Variants in SEMA6A observed in about 807,000 individuals in gnomAD.
SEMA6A encodes semaphorin-6A.
SEMA6A carries 25 observed loss-of-function variants against 96.8 expected under a neutral mutation model. The ratio of observed to expected loss-of-function variants is 0.26; its 90% CI spans 0.19 to 0.36. The LOEUF (loss-of-function observed/expected upper bound fraction) is 0.36. Among genes scored for constraint, SEMA6A ranks in the 10% least tolerant of loss-of-function variants. The pLI, the probability that SEMA6A is intolerant of heterozygous loss-of-function variation, is 1.00. For missense variants in SEMA6A, 1,363 were observed against 1,323.1 expected, an observed-to-expected ratio of 1.03 and a Z score of -0.47; for synonymous variants, 612 against 518.0, an observed-to-expected ratio of 1.18 and a Z score of -2.46.
Position 116,447,288 on chromosome 5 carries a change from C to A in SEMA6A, c.2418G>T (p.Arg806=), listed in dbSNP as rs774354102. The change falls in exon 19 of 19, where the codon CGG becomes CGT. Residue 806 remains arginine (R), a synonymous_variant. Transcript: ENST00000343348. The stretch of plus-strand genomic sequence containing the variant: ...CGCTGGGGATGTGGCTGGGGGAGGC[C>A]CGCAGGGGCAGGTCCGTGGGAATCA... The part of the protein sequence containing the change: ...SPVIPTDLPL[R]ASPSHIPSVV... 2 of 1,613,818 alleles carry A rather than the reference C, an allele frequency of 1.2e-6. No individual in the cohort carries two copies. Among genetic ancestry groups the A allele is most frequent in the Non-Finnish European group, 1.7e-6 (2 of 1,179,898 alleles).
chr5:116,558,978 A>C (rs1336056829), intron 1 of SEMA6A, among the ~76,000 whole-genome samples: 4 of 152,222 alleles, frequency 2.6e-5, no homozygotes, highest in African/African-American at 9.6e-5. Context: ...GGAATGAAAT[A>C]AACAGGAACT....
chr5:116,466,745 T>A (rs1002594821), intron 18 of SEMA6A, among the ~76,000 whole-genome samples: 2 of 152,156 alleles, frequency 1.3e-5, no homozygotes, highest in Non-Finnish European at 2.9e-5. Context: ...CATATAGAAG[T>A]AAACAATTCT....
rs200244315 is a variant in SEMA6A, at chr5:116,514,939, C to T, written c.-38-9957G>A. 5.9e-5 allele frequency among the ~76,000 whole-genome samples: 9 copies of T among 152,310 alleles called. No homozygotes were observed. The East Asian group carries it at 1.5e-3, about 26-fold the overall frequency. ...AAAATAGAACACATACACAAATTAACAATAATCTTCCAAAAAGAAATTATT... is the reference window on the plus strand; with the variant it reads ...AAAATAGAACACATACACAAATTAATAATAATCTTCCAAAAAGAAATTATT... On this transcript the variant is annotated intron_variant, in intron 1 of 18. Coordinates refer to ENST00000343348, the MANE Select transcript of SEMA6A (RefSeq NM_020796.5).
rs749401590 is a variant in SEMA6A at position 116,447,074 on chromosome 5, G to A, written c.2632C>T (p.Pro878Ser). 1.9e-6 allele frequency: 3 copies of A among 1,613,946 alleles called. No homozygotes were observed. In the South Asian group the frequency reaches 3.3e-5, roughly 18 times the overall value. ...VNLVENLDSL[P>S]PKVPQREASL... Reference sequence around the variant, plus strand: ...GCCTCCCGCTGTGGAACTTTGGGGGGCAGGCTGTCCAGGTTCTCCACAAGG... The same window carrying A: ...GCCTCCCGCTGTGGAACTTTGGGGGACAGGCTGTCCAGGTTCTCCACAAGG... The change falls in exon 19 of 19, where the codon CCC (proline) becomes TCC (serine). Residue 878 changes from proline (P) to serine (S), a missense_variant. By Grantham distance (74) the Pro-to-Ser change is moderately conservative. This residue lies in a region of SEMA6A where 883 missense variants were observed against 763.6 expected (regional missense o/e 1.16). Coordinates refer to ENST00000343348, the MANE Select transcript of SEMA6A (RefSeq NM_020796.5).
rs1170551055 is a variant in SEMA6A at position 116,505,713 on chromosome 5, A to G, written c.-38-731T>C. ...TTGATTTAAAAAGTCATATCTCTAT[A>G]TATTTTGGTCTCAATACTTCCTTGC... On this transcript the variant is annotated intron_variant, in intron 1 of 18. Transcript: ENST00000343348. Among the ~76,000 whole-genome samples the G allele has an allele frequency of 3.3e-5, 5 of 152,206 alleles. No homozygotes were observed. The South Asian group carries it at 1.0e-3, about 31-fold the overall frequency.
At chr5:116,524,200 G>A (rs1324980023) in intron 1 of SEMA6A, among the ~76,000 whole-genome samples, 1 of 152,176 alleles carries the variant, frequency 6.6e-6, no homozygotes, top group Non-Finnish European at 1.5e-5. Flanking sequence ...ATCCCACCCA[G>A]ATGCTGTGGA....
At chr5:116,527,141 C>G (rs1759262837) in intron 1 of SEMA6A, among the ~76,000 whole-genome samples, 1 of 152,052 alleles carries the variant, frequency 6.6e-6, no homozygotes, top group Non-Finnish European at 1.5e-5. Flanking sequence ...TTTATTGTGT[C>G]TACTCCCGAC....
chr5:116,525,820 G>A (rs183409779), intron 1 of SEMA6A, among the ~76,000 whole-genome samples: 1 of 152,294 alleles, frequency 6.6e-6, no homozygotes, highest in Non-Finnish European at 1.5e-5. Context: ...ACACCTCAAA[G>A]GGAGGGGCCG....
intron 5 of SEMA6A, chr5:116,495,972 C>T: frequency 2.5e-6 from 1 of 394,428 alleles, no homozygotes; most frequent in South Asian, 2.6e-5. Flanking sequence ...CATCGGCGTA[C>T]ACTCAGAAGA....
Position 116,447,176 on chromosome 5 carries a change from C to G in SEMA6A, c.2530G>C (p.Glu844Gln). 6.2e-7 allele frequency: 1 copy of G among 1,614,026 alleles called. No homozygotes were observed. The highest frequency in any genetic ancestry group is 1.1e-5 in the South Asian group (1 of 91,082). ...KMSEVAQMAL[E>Q]DQAATLEYKT... is the part of the protein sequence containing the mutation. ...TACTCCAGTGTGGCGGCCTGGTCCTCCAGCGCCATCTGGGCCACCTCGCTC... is the reference window on the plus strand; with the variant it reads ...TACTCCAGTGTGGCGGCCTGGTCCTGCAGCGCCATCTGGGCCACCTCGCTC... The change falls in exon 19 of 19, where the codon GAG becomes CAG. Residue 844 changes from glutamate to glutamine, a missense_variant. Physicochemically the swap from Glu to Gln is conservative, Grantham distance 29. Around this residue, in one of 2 missense-constraint regions of SEMA6A, gnomAD observed 883 missense variants for 763.6 expected, o/e 1.16. Coordinates refer to ENST00000343348, the MANE Select transcript of SEMA6A (RefSeq NM_020796.5).
chr5:116,560,825 C>T (rs1485672172), intron 1 of SEMA6A, among the ~76,000 whole-genome samples: 1 of 152,128 alleles, frequency 6.6e-6, no homozygotes, highest in East Asian at 1.9e-4. Context: ...AGTGTCCCCT[C>T]CTAGCAATGG....
chr5:116,473,955 G>C (rs1248018615), intron 16 of SEMA6A, among the ~76,000 whole-genome samples: 1 of 152,188 alleles, frequency 6.6e-6, no homozygotes, highest in Admixed American at 6.5e-5. Context: ...GGCAGATCCA[G>C]GGGCTTGCTT....
chr5:116,457,314 GT>G (rs1218262935), intron 18 of SEMA6A, among the ~76,000 whole-genome samples: 1 of 152,094 alleles, frequency 6.6e-6, no homozygotes, highest in Non-Finnish European at 1.5e-5. Flanking sequence ...CGTCCAAAAG[GT>G]TAGGCATAAT....
intron 12 of SEMA6A, among the ~76,000 whole-genome samples, chr5:116,479,766 G>T (rs747803337): frequency 3.3e-5 from 5 of 152,218 alleles, no homozygotes; most frequent in Non-Finnish European, 1.5e-5. Flanking sequence ...TCTGCTGCAA[G>T]TTTTGTAATC....
intron 1 of SEMA6A, among the ~76,000 whole-genome samples, chr5:116,531,707 C>A (rs1193563546): frequency 6.6e-6 from 1 of 152,158 alleles, no homozygotes; most frequent in South Asian, 2.1e-4. Context: ...CCCCTTGCTT[C>A]TAGTTTCAGT....
rs146623552 is a variant in SEMA6A at position 116,530,021 on chromosome 5, GACA to G, written c.-38-25042_-38-25040del. ...AAGTAGAAGAAAAAATAAAAATAATGACAACAACAACAACAAAAATTAGGCATT... is the reference window on the plus strand; with the variant it reads ...AAGTAGAAGAAAAAATAAAAATAATGACAACAACAACAAAAATTAGGCATT... On this transcript the variant is annotated intron_variant, in intron 1 of 18. Transcript: ENST00000343348. Among the ~76,000 whole-genome samples the G allele has an allele frequency of 8.9e-3, 1,349 of 152,024 alleles. 14 individuals carry two copies. Among genetic ancestry groups the G allele is most frequent in the African/African-American group, 0.027 (1,136 of 41,468 alleles).
chr5:116,563,333 C>T (rs929491904), intron 1 of SEMA6A, among the ~76,000 whole-genome samples: 2 of 152,172 alleles, frequency 1.3e-5, no homozygotes, highest in Admixed American at 6.6e-5. Flanking sequence ...GATTCAAATA[C>T]TCCACACCAC....
intron 1 of SEMA6A, among the ~76,000 whole-genome samples, chr5:116,520,276 A>C (rs1451249747): frequency 1.5e-5 from 2 of 136,016 alleles, no homozygotes; most frequent in Non-Finnish European, 3.1e-5. Context: ...TTTTTTCATC[A>C]CTTTATTCTA....
chr5:116,461,710 A>AT (rs144250097), intron 18 of SEMA6A, among the ~76,000 whole-genome samples: 3 of 152,082 alleles, frequency 2.0e-5, no homozygotes, highest in East Asian at 1.9e-4. Context: ...TGTCTAATAT[A>AT]TTTTTTTAAA....
Sources: allele counts gnomAD v4.1 joint callset (sites outside exome capture counted in the v4.1 genomes callset), GRCh38; gene constraint gnomAD v4.1.1; regional missense constraint gnomAD v4.1.1; transcripts MANE v1.5; gene names NCBI Gene and HGNC (gene_info 2026-07-23, HGNC 2026-07-21).